The following ANKRD11 variants were observed in gnomAD, a reference collection of about 807,000 sequenced individuals.
The protein encoded by ANKRD11 is ankyrin repeat domain-containing protein 11.
In ANKRD11, 17 loss-of-function variants were observed where a neutral mutation model predicts 195.7. The ratio of observed to expected loss-of-function variants is 0.09; its 90% CI spans 0.06 to 0.13. ANKRD11 has a LOEUF of 0.13. Ranked by LOEUF, ANKRD11 falls within the 10% of genes least tolerant of loss-of-function variation. The pLI is 1.00. For missense variants in ANKRD11, 3,735 were observed against 3,566.1 expected (o/e 1.05, Z -1.21); for synonymous variants, 1,953 against 1,528.1 (o/e 1.28, Z -6.49).
intron 3 of ANKRD11, among the ~76,000 whole-genome samples, chr16:89,314,030 C>T (rs960663096): frequency 1.3e-5 from 2 of 152,196 alleles, no homozygotes; most frequent in Non-Finnish European, 2.9e-5. Context: ...TTGAGACCAG[C>T]CTTGGCAACA....
chr16:89,483,218 G>A (rs2057500217), intron 1 of ANKRD11, among the ~76,000 whole-genome samples: 1 of 152,168 alleles, frequency 6.6e-6, no homozygotes, highest in African/African-American at 2.4e-5. Flanking sequence ...TAAGTTCTAA[G>A]ACAGATTTTC....
intron 1 of ANKRD11, among the ~76,000 whole-genome samples, chr16:89,481,489 C>G (rs1367756363): frequency 6.6e-6 from 1 of 152,152 alleles, no homozygotes; most frequent in African/African-American, 2.4e-5. Flanking sequence ...CCCAGAAGCT[C>G]AAGGATGCAG....
chr16:89,355,236 G>A (rs111494587), intron 2 of ANKRD11, among the ~76,000 whole-genome samples: 1,591 of 151,464 alleles, frequency 0.011, 24 homozygotes, highest in African/African-American at 0.037. Context: ...GAGGGAGGGC[G>A]GAGGGCTCAC....
intron 4 of ANKRD11, among the ~76,000 whole-genome samples, chr16:89,295,443 C>T (rs117927848): frequency 0.012 from 1,757 of 152,360 alleles, 19 homozygotes; most frequent in Non-Finnish European, 0.017. Context: ...CCCTCTGAGG[C>T]TGGCAGCACA....
chr16:89,274,647 T>G, intron 11 of ANKRD11, 167 bp downstream of exon 11: 1 of 1,062,050 alleles, frequency 9.4e-7, no homozygotes, highest in Middle Eastern at 3.0e-4. Flanking sequence ...TTGGCTCCTT[T>G]CTGAGGCTCG....
At chr16:89,429,720 C>T (rs867794651) in intron 1 of ANKRD11, among the ~76,000 whole-genome samples, 6 of 55,740 alleles carry the variant, frequency 1.1e-4, no homozygotes, top group East Asian at 7.6e-4. Flanking sequence ...ACAGCAGGGA[C>T]TCTCAACTCT....
At chr16:89,354,312 C>CT (rs1260597149) in intron 2 of ANKRD11, among the ~76,000 whole-genome samples, 1 of 151,714 alleles carries the variant, frequency 6.6e-6, no homozygotes, top group East Asian at 1.9e-4. Flanking sequence ...GAAAAGCCTC[C>CT]TTTTCCTTCT....
rs79042649 is a variant in ANKRD11 at position 89,386,332 on chromosome 16, A to C, written c.-60+31952T>G. Among the ~76,000 whole-genome samples, 624 of 152,120 alleles carry C rather than the reference A, an allele frequency of 4.1e-3. 2 individuals carry two copies. Among genetic ancestry groups the C allele is most frequent in the African/African-American group, 0.015 (611 of 41,502 alleles). On this transcript the variant is annotated intron_variant, in intron 2 of 12. Transcript: ENST00000301030. ...GACAATGCACTAATTCTCCCTTCTGAGGGCAGCACGACCAATTCCCAACGT... is the reference window on the plus strand; with the variant it reads ...GACAATGCACTAATTCTCCCTTCTGCGGGCAGCACGACCAATTCCCAACGT...
intron 1 of ANKRD11, among the ~76,000 whole-genome samples, chr16:89,465,871 C>T (rs1485773066): frequency 6.6e-6 from 1 of 152,142 alleles, no homozygotes; most frequent in African/African-American, 2.4e-5. Context: ...CCACCATGCC[C>T]GGCTAATTTT....
intron 1 of ANKRD11, among the ~76,000 whole-genome samples, chr16:89,464,658 A>G (rs189791751): frequency 1.3e-5 from 2 of 152,050 alleles, no homozygotes; most frequent in Admixed American, 6.5e-5. Context: ...GAAAAGAATA[A>G]ATCTGTAACA....
intron 2 of ANKRD11, among the ~76,000 whole-genome samples, chr16:89,391,365 C>G (rs907749628): frequency 6.6e-6 from 1 of 152,124 alleles, no homozygotes; most frequent in Non-Finnish European, 1.5e-5. Context: ...TCTTGCGGGA[C>G]TCAGTCCTCT....
intron 2 of ANKRD11, among the ~76,000 whole-genome samples, chr16:89,398,856 G>A (rs1396778300): frequency 6.6e-6 from 1 of 152,164 alleles, no homozygotes; most frequent in Non-Finnish European, 1.5e-5. Context: ...TTCTGGCCCA[G>A]GAGTACAGAT....
At chr16:89,446,877 T>C (rs1251260477) in intron 1 of ANKRD11, among the ~76,000 whole-genome samples, 1 of 152,028 alleles carries the variant, frequency 6.6e-6, no homozygotes, top group Non-Finnish European at 1.5e-5. Context: ...CACAGCTGCT[T>C]CTCCGCTTGT....
At chr16:89,489,799 C>G (rs1178264773) in intron 1 of ANKRD11, among the ~76,000 whole-genome samples, 1 of 144,060 alleles carries the variant, frequency 6.9e-6, no homozygotes, top group Middle Eastern at 4.0e-3. Context: ...CCGGAGCCCC[C>G]TGTCCGCCTC....
chr16:89,372,976 A>G (rs2040259095), intron 2 of ANKRD11: 1 of 152,186 alleles, frequency 6.6e-6, no homozygotes, highest in African/African-American at 2.4e-5. Flanking sequence ...GCCTACCTAC[A>G]TACACCCCGA....
chr16:89,445,082 G>T (rs1022083010), intron 1 of ANKRD11, among the ~76,000 whole-genome samples: 2 of 152,222 alleles, frequency 1.3e-5, no homozygotes, highest in African/African-American at 4.8e-5. Context: ...CCTTGGGTGA[G>T]GGTGCCCAGG....
intron 1 of ANKRD11, among the ~76,000 whole-genome samples, chr16:89,447,334 C>A (rs575326030): frequency 6.6e-6 from 1 of 152,294 alleles, no homozygotes; most frequent in African/African-American, 2.4e-5. Context: ...AACACCCCAA[C>A]ACCCTTTCCT....
At chr16:89,272,071 A>G (rs1221249021) in intron 11 of ANKRD11, 1 of 152,180 alleles carries the variant, frequency 6.6e-6, no homozygotes, top group East Asian at 1.9e-4. Flanking sequence ...TCCCATCAAA[A>G]AAACGGGCAA....
intron 2 of ANKRD11, among the ~76,000 whole-genome samples, chr16:89,325,572 T>C (rs1451840254): frequency 6.6e-6 from 1 of 152,178 alleles, no homozygotes; most frequent in Non-Finnish European, 1.5e-5. Flanking sequence ...TACTTAGGGA[T>C]GCATACTTAG....
Sources: allele counts gnomAD v4.1 joint callset (sites outside exome capture counted in the v4.1 genomes callset), GRCh38; gene constraint gnomAD v4.1.1; transcripts MANE v1.5; gene names NCBI Gene and HGNC (gene_info 2026-07-23, HGNC 2026-07-21).